PTGFRN: variants seen among roughly 807,000 people sequenced by gnomAD.
PTGFRN encodes prostaglandin F2 receptor negative regulator.
PTGFRN carries 35 observed loss-of-function variants against 83.2 expected under a neutral mutation model. That is an observed-to-expected ratio of 0.42 (90% CI 0.32 to 0.56). The LOEUF (loss-of-function observed/expected upper bound fraction) is 0.56, where lower values mean the gene tolerates loss of function less well. PTGFRN is among the 20% of genes least tolerant of loss of function. PTGFRN has a pLI of 0.11. For synonymous variants in PTGFRN, 519 were observed against 498.6 expected, an observed-to-expected ratio of 1.04 and a Z score of -0.55; for missense variants, 1,051 against 1,179.5, an observed-to-expected ratio of 0.89 and a Z score of 1.60.
chr1:116,961,379 G>A lies in PTGFRN; in HGVS notation c.1350G>A (p.Arg450=), dbSNP rs201906246. ...GATTCACGGTTTCGTGGTACTACAGGATGAACCGGCGCAGCGACAATGTGG... is the reference window on the plus strand; with the variant it reads ...GATTCACGGTTTCGTGGTACTACAGAATGAACCGGCGCAGCGACAATGTGG... ...NVRFTVSWYY[R]MNRRSDNVVT... is the part of the protein sequence containing the mutation. Residue 450 remains arginine (R), a synonymous_variant, in exon 5 of 9, where the codon AGG becomes AGA. Transcript: ENST00000393203. The surrounding 1 kb of genome is among the most constrained non-coding windows in gnomAD (Gnocchi z 5.4). 1 of 1,611,484 alleles carries A rather than the reference G, an allele frequency of 6.2e-7. No homozygotes were observed. The highest frequency in any genetic ancestry group is 1.3e-5 in the African/African-American group (1 of 74,970).
rs368215880 is a variant in PTGFRN, at chr1:116,942,062, G to C, written c.397G>C (p.Glu133Gln). The change falls in exon 2 of 9, where the codon GAG becomes CAG. Residue 133 changes from glutamate (E) to glutamine (Q), a missense_variant. Physicochemically the swap from Glu to Gln is conservative, Grantham distance 29 (BLOSUM62 2). Coordinates refer to ENST00000393203, the MANE Select transcript of PTGFRN (RefSeq NM_020440.4). ...AGATGCCACTGTCCAGGGAAACTATGAGGACACAGTGCAGGTTAAAGGTAC... is the reference window on the plus strand; with the variant it reads ...AGATGCCACTGTCCAGGGAAACTATCAGGACACAGTGCAGGTTAAAGGTAC... ...STDATVQGNYEDTVQVKVLAD... is the reference protein window; with the variant it reads ...STDATVQGNYQDTVQVKVLAD... 56 of 1,613,900 alleles carry C rather than the reference G, an allele frequency of 3.5e-5. No individual in the cohort carries two copies. The African/African-American group carries it at 6.0e-4, about 17-fold the overall frequency.
At position 116,910,166 on chromosome 1, in the gene PTGFRN, A is replaced by C. The variant is rs1002629507; in HGVS notation, c.-38A>C. On this transcript the variant is annotated 5_prime_UTR_variant, in exon 1 of 9. Coordinates refer to ENST00000393203, the MANE Select transcript of PTGFRN (RefSeq NM_020440.4). The stretch of plus-strand genomic sequence containing the variant: ...GGAGGAGGAGGAGAGGCGGCGGGGA[A>C]GGAGGAGGAGGGGGAGAGTCGCTCC... 1.3e-4 allele frequency: 189 copies of C among 1,489,546 alleles called. No homozygotes were observed. The highest frequency in any genetic ancestry group is 1.6e-4 in the Non-Finnish European group (180 of 1,118,516). 92.3% of individuals were successfully genotyped at this position (1,489,546 alleles called of 1,614,324 possible).
chr1:116,978,672 G>A (rs1651226945), intron 7 of PTGFRN, among the ~76,000 whole-genome samples: 1 of 152,040 alleles, frequency 6.6e-6, no homozygotes, highest in African/African-American at 2.4e-5. Flanking sequence ...AAATTCAACA[G>A]TCCTTCATGC....
chr1:116,954,259 G>A (rs771458107), intron 4 of PTGFRN, among the ~76,000 whole-genome samples: 4 of 152,016 alleles, frequency 2.6e-5, no homozygotes, highest in Non-Finnish European at 1.5e-5. Context: ...CCTCATAATG[G>A]TTCTGCCACA....
chr1:116,957,816 T>A (rs560045023), intron 4 of PTGFRN, among the ~76,000 whole-genome samples: 74 of 152,328 alleles, frequency 4.9e-4, no homozygotes, highest in African/African-American at 1.7e-3. Context: ...ACTCTCTGTT[T>A]CTATGAGCTC....
At chr1:116,965,700 G>A (rs559956847) in intron 5 of PTGFRN, among the ~76,000 whole-genome samples, 1 of 152,134 alleles carries the variant, frequency 6.6e-6, no homozygotes, top group South Asian at 2.1e-4. Flanking sequence ...CTCTTCCTTG[G>A]CTGCTTATTA....
chr1:116,944,725 G>A lies in PTGFRN; in HGVS notation c.465G>A (p.Pro155=), dbSNP rs745433963. 2.7e-6 allele frequency: 4 copies of A among 1,459,982 alleles called. No homozygotes were observed. Among genetic ancestry groups the A allele is most frequent in the African/African-American group, 1.5e-5 (1 of 67,424 alleles). The allele number at this position is 1,459,982 out of a possible 1,614,324, so 90.4% of individuals were successfully genotyped here. The change falls in exon 3 of 9, where the codon CCG becomes CCA. Residue 155 remains proline, a synonymous_variant. Transcript: ENST00000393203. ...LHVGPSARPP[P]SLSLREGEPF... ...TGGGCCCCAGCGCGCGGCCCCCGCCGAGCCTGAGCCTGCGGGAGGGGGAGC... is the reference window on the plus strand; with the variant it reads ...TGGGCCCCAGCGCGCGGCCCCCGCCAAGCCTGAGCCTGCGGGAGGGGGAGC...
chr1:116,931,168 T>C (rs1649789935), intron 1 of PTGFRN, among the ~76,000 whole-genome samples: 1 of 152,218 alleles, frequency 6.6e-6, no homozygotes, highest in East Asian at 1.9e-4. Context: ...GAAATGCTCG[T>C]TGGAGCACTT....
chr1:116,980,297 A>T (rs1570680302), intron 7 of PTGFRN, among the ~76,000 whole-genome samples: 1 of 152,228 alleles, frequency 6.6e-6, no homozygotes, highest in African/African-American at 2.4e-5. Context: ...ATTGTGGAAG[A>T]CAGTGTGGCG....
chr1:116,938,878 G>A (rs1649986086), intron 1 of PTGFRN, among the ~76,000 whole-genome samples: 1 of 152,214 alleles, frequency 6.6e-6, no homozygotes, highest in South Asian at 2.1e-4. Flanking sequence ...TTCCAAATGG[G>A]AGAATTTGGC....
rs551817501 is a variant in PTGFRN at position 116,961,797 on chromosome 1, G to T, written c.1639+129G>T. On this transcript the variant is annotated intron_variant, in intron 5 of 8. Coordinates refer to ENST00000393203, the MANE Select transcript of PTGFRN (RefSeq NM_020440.4). This position sits in a 1 kb window ranked among gnomAD's most constrained non-coding sequence, Gnocchi z 5.4. ...GGAATGTGTGTCCTGGACATTGATC[G>T]CCATGCGACCCGTTGCACATGCTCT... The T allele has an allele frequency of 1.6e-5, 15 of 928,186 alleles. No homozygotes were observed. Among genetic ancestry groups the T allele is most frequent in the Non-Finnish European group, 1.7e-5 (11 of 631,420 alleles). 57.5% of individuals were successfully genotyped at this position (928,186 alleles called of 1,614,324 possible). A position where few individuals can be genotyped will look rare whatever the true frequency, so the allele number is the denominator to read the frequency against.
intron 3 of PTGFRN, among the ~76,000 whole-genome samples, chr1:116,947,631 A>T (rs1015730369): frequency 2.0e-5 from 3 of 152,202 alleles, no homozygotes; most frequent in African/African-American, 7.2e-5. Flanking sequence ...CTGCTTGTTA[A>T]GTACTTCGTC....
chr1:116,919,291 G>A (rs60324164), intron 1 of PTGFRN, among the ~76,000 whole-genome samples: 3,722 of 152,226 alleles, frequency 0.024, 157 homozygotes, highest in African/African-American at 0.085. Flanking sequence ...TGGGGGTTGG[G>A]GACCAGGTGC....
At chr1:116,972,742 G>C (rs1359219990) in intron 6 of PTGFRN, among the ~76,000 whole-genome samples, 2 of 152,144 alleles carry the variant, frequency 1.3e-5, no homozygotes, top group Non-Finnish European at 2.9e-5. Flanking sequence ...GGTTTGCCTT[G>C]TTCCTAGATT....
At chr1:116,933,287 C>T (rs1020849867) in intron 1 of PTGFRN, among the ~76,000 whole-genome samples, 1 of 151,574 alleles carries the variant, frequency 6.6e-6, no homozygotes, top group Non-Finnish European at 1.5e-5. Context: ...TTTGTGGTTA[C>T]TCTAGAGATT....
intron 1 of PTGFRN, among the ~76,000 whole-genome samples, chr1:116,932,229 C>T (rs1570650553): frequency 6.6e-6 from 1 of 152,234 alleles, no homozygotes; most frequent in East Asian, 1.9e-4. Flanking sequence ...ATTGCCTTGT[C>T]TTTCTTAATG....
intron 7 of PTGFRN, among the ~76,000 whole-genome samples, chr1:116,984,341 G>A (rs1042578604): frequency 2.0e-5 from 3 of 152,076 alleles, no homozygotes; most frequent in Non-Finnish European, 1.5e-5. Context: ...GTGGGAGACA[G>A]TTTTTGGCCC....
chr1:116,983,153 A>G (rs915441887), intron 7 of PTGFRN, among the ~76,000 whole-genome samples: 1 of 152,170 alleles, frequency 6.6e-6, no homozygotes, highest in African/African-American at 2.4e-5. Flanking sequence ...CATTTTGCAG[A>G]TGAGGAAACT....
chr1:116,954,135 GGT>G (rs2101071512), intron 4 of PTGFRN, among the ~76,000 whole-genome samples: 2 of 152,158 alleles, frequency 1.3e-5, no homozygotes, highest in East Asian at 3.9e-4. Context: ...TGGGATTACA[GGT>G]GTGAGCCACC....
Sources: gnomAD v4.1 joint callset for allele counts (sites outside exome capture counted in the v4.1 genomes callset) on GRCh38, gnomAD v4.1.1 for gene constraint, Gnocchi (gnomAD v3.1) non-coding constraint, MANE v1.5 for transcripts, NCBI Gene and HGNC (gene_info 2026-07-23, HGNC 2026-07-21) for gene names.